The following CSMD1 variants were observed in gnomAD, a reference collection of about 807,000 sequenced individuals.
The protein encoded by CSMD1 is CUB and sushi domain-containing protein 1.
In CSMD1, 213 loss-of-function variants were observed where a neutral mutation model predicts 417.5. The observed-to-expected ratio is 0.51, with a 90% CI of 0.46 to 0.57. CSMD1 has a LOEUF of 0.57. Among genes scored for constraint, CSMD1 ranks in the 20% least tolerant of loss-of-function variants. CSMD1 has a pLI of 0.00. For synonymous variants in CSMD1, 2,862 were observed against 1,736.8 expected (o/e 1.65, Z -16.11); for missense variants, 6,923 against 4,529.7 (o/e 1.53, Z -15.17).
chr8:4,933,253 G>C (rs1418357820), intron 1 of CSMD1, among the ~76,000 whole-genome samples: 1 of 151,850 alleles, frequency 6.6e-6, no homozygotes, highest in Middle Eastern at 3.2e-3. Context: ...GACGGCACTA[G>C]TAAATTTTAG....
chr8:3,505,422 A>C (rs1376379885), intron 10 of CSMD1, among the ~76,000 whole-genome samples: 1 of 152,206 alleles, frequency 6.6e-6, no homozygotes, highest in Non-Finnish European at 1.5e-5. Flanking sequence ...TGGGCGCAGA[A>C]TCAATAATTA....
chr8:3,714,360 T>G (rs904189221), intron 6 of CSMD1, among the ~76,000 whole-genome samples: 1 of 150,810 alleles, frequency 6.6e-6, no homozygotes, highest in Non-Finnish European at 1.5e-5. Flanking sequence ...TTTCTTTTTA[T>G]AGTATCACAG....
intron 10 of CSMD1, among the ~76,000 whole-genome samples, chr8:3,514,248 A>G (rs1025288647): frequency 1.3e-5 from 2 of 151,996 alleles, no homozygotes; most frequent in African/African-American, 2.4e-5. Flanking sequence ...AGTCTCTTTC[A>G]TTTTCTCAGG....
intron 12 of CSMD1, among the ~76,000 whole-genome samples, chr8:3,427,991 C>G (rs1009148423): frequency 6.6e-6 from 1 of 152,148 alleles, no homozygotes; most frequent in African/African-American, 2.4e-5. Context: ...TGGAATTAAG[C>G]CTTAATTCCA....
intron 3 of CSMD1, among the ~76,000 whole-genome samples, chr8:4,365,661 G>A (rs149436121): frequency 1.3e-5 from 2 of 152,266 alleles, no homozygotes; most frequent in African/African-American, 2.4e-5. Flanking sequence ...TGCTTCCTGT[G>A]GTTAAAACCT....
At chr8:3,324,275 TA>T (rs1806364008) in intron 23 of CSMD1, among the ~76,000 whole-genome samples, 1 of 128,436 alleles carries the variant, frequency 7.8e-6, no homozygotes, top group African/African-American at 3.1e-5. Flanking sequence ...GTTGTTAAAA[TA>T]GGCCACACCT....
chr8:4,223,791 G>C (rs1423620119), intron 3 of CSMD1, among the ~76,000 whole-genome samples: 2 of 152,150 alleles, frequency 1.3e-5, no homozygotes, highest in Non-Finnish European at 2.9e-5. Context: ...AAATTAAAAA[G>C]CCCCTTGGCC....
At position 4,459,008 on chromosome 8, in the gene CSMD1, G is replaced by A. The variant is rs868408046; in HGVS notation, c.303-38943C>T. On this transcript the variant is annotated intron_variant, in intron 2 of 69. Transcript: ENST00000635120. ...TGAGGATTCACGTTTGTGCAGCTTG[G>A]GCCACAGCCTGCTTTCTTCCCCTTA... Among the ~76,000 whole-genome samples the A allele has an allele frequency of 1.9e-4, 29 of 152,222 alleles. 1 individual carries two copies. The highest frequency in any genetic ancestry group is 3.4e-3 in the Middle Eastern group (1 of 294).
intron 42 of CSMD1, among the ~76,000 whole-genome samples, chr8:3,115,797 T>G (rs1414879577): frequency 1.3e-5 from 2 of 152,212 alleles, no homozygotes; most frequent in African/African-American, 4.8e-5. Context: ...ATTTTATTAA[T>G]TATCTAAACT....
At chr8:3,231,128 G>A (rs1798811092) in intron 26 of CSMD1, among the ~76,000 whole-genome samples, 1 of 152,104 alleles carries the variant, frequency 6.6e-6, no homozygotes, top group Admixed American at 6.5e-5. Flanking sequence ...AAATACAGCA[G>A]CCTCAAGAAA....
intron 10 of CSMD1, among the ~76,000 whole-genome samples, chr8:3,517,592 A>G (rs1022794072): frequency 2.6e-5 from 4 of 152,320 alleles, no homozygotes; most frequent in East Asian, 3.9e-4. Context: ...AATACCAAAT[A>G]CAGGCTGAGG....
chr8:3,926,051 T>TACACACACACACACACACACAAACACC (rs752699683), intron 5 of CSMD1, among the ~76,000 whole-genome samples: 1 of 76,612 alleles, frequency 1.3e-5, no homozygotes, highest in African/African-American at 7.6e-5. Flanking sequence ...ACAAACACCA[T>TACACACACACACACACACACAAACACC]ATACACACAC....
At chr8:4,759,612 C>T (rs755702409) in intron 1 of CSMD1, among the ~76,000 whole-genome samples, 8 of 152,062 alleles carry the variant, frequency 5.3e-5, no homozygotes, top group African/African-American at 7.2e-5. Flanking sequence ...CCCCTCCCTA[C>T]GTCCATGTGT....
chr8:4,171,279 G>A (rs182140618), intron 3 of CSMD1, among the ~76,000 whole-genome samples: 2 of 151,822 alleles, frequency 1.3e-5, no homozygotes, highest in East Asian at 1.9e-4. Context: ...CATTCACCTG[G>A]CATTTATTGT....
chr8:3,264,308 C>A (rs111734381), intron 26 of CSMD1, among the ~76,000 whole-genome samples: 3 of 152,080 alleles, frequency 2.0e-5, no homozygotes, highest in Non-Finnish European at 4.4e-5. Context: ...CCTCAGGTGG[C>A]GTAGTAATGT....
intron 3 of CSMD1, among the ~76,000 whole-genome samples, chr8:4,127,283 G>A (rs561125530): frequency 1.3e-5 from 2 of 151,628 alleles, no homozygotes; most frequent in Non-Finnish European, 2.9e-5. Flanking sequence ...TTCTCATGCG[G>A]CTCCCTCTGC....
At chr8:3,919,872 T>A (rs1809107775) in intron 5 of CSMD1, among the ~76,000 whole-genome samples, 1 of 152,130 alleles carries the variant, frequency 6.6e-6, no homozygotes, top group African/African-American at 2.4e-5. Context: ...TCCCCAAGTA[T>A]TTCATTCTTT....
Position 3,036,833 on chromosome 8 carries a change from T to C in CSMD1, c.7661-7320A>G, listed in dbSNP as rs7017846. ...TTCTTTTTGGCTTTTAGAAAATTAT[T>C]TCAATAGCTTTTTGGGGTACAAGCG... On this transcript the variant is annotated intron_variant, in intron 50 of 69. Transcript: ENST00000635120. Among the ~76,000 whole-genome samples the C allele has an allele frequency of 5.6e-3, 860 of 152,248 alleles. 7 individuals carry two copies. Among genetic ancestry groups the C allele is most frequent in the African/African-American group, 0.02 (830 of 41,544 alleles).
At chr8:3,130,353 C>T (rs1246002340) in intron 41 of CSMD1, among the ~76,000 whole-genome samples, 6 of 152,064 alleles carry the variant, frequency 3.9e-5, no homozygotes, top group South Asian at 2.1e-4. Context: ...CCAGACGAGG[C>T]GATGCAGGTG....
Sources: allele counts gnomAD v4.1 joint callset (sites outside exome capture counted in the v4.1 genomes callset), GRCh38; gene constraint gnomAD v4.1.1; transcripts MANE v1.5; gene names NCBI Gene and HGNC (gene_info 2026-07-23, HGNC 2026-07-21).